The following ARL15 variants were observed in gnomAD, a reference collection of about 807,000 sequenced individuals.
ARL15 encodes ARF like GTPase 15, also known as ADP-ribosylation factor-like protein 15.
ARL15 carries 19 observed loss-of-function variants against 25.2 expected under a neutral mutation model. That is an observed-to-expected ratio of 0.75 (90% CI 0.53 to 1.10). The LOEUF (loss-of-function observed/expected upper bound fraction) is 1.10. Among genes scored for constraint, ARL15 ranks in the 50% least tolerant of loss-of-function variants. The pLI, the probability that ARL15 is intolerant of heterozygous loss-of-function variation, is 0.00. For missense variants in ARL15, 220 were observed against 246.0 expected, an observed-to-expected ratio of 0.89 and a Z score of 0.71; for synonymous variants, 94 against 86.8, an observed-to-expected ratio of 1.08 and a Z score of -0.46.
chr5:54,152,371 TC>T (rs1158203982), intron 3 of ARL15, among the ~76,000 whole-genome samples: 1 of 152,164 alleles, frequency 6.6e-6, no homozygotes, highest in Non-Finnish European at 1.5e-5. Context: ...TTTCATGTGT[TC>T]CTGGTTGAGA....
intron 4 of ARL15, among the ~76,000 whole-genome samples, chr5:54,108,595 T>A (rs1002972546): frequency 6.6e-6 from 1 of 152,078 alleles, no homozygotes; most frequent in Non-Finnish European, 1.5e-5. Flanking sequence ...AAAAGATTTG[T>A]CACATGAAGT....
intron 4 of ARL15, among the ~76,000 whole-genome samples, chr5:54,070,761 CATGAA>C (rs1053510772): frequency 2.6e-5 from 4 of 151,920 alleles, no homozygotes; most frequent in African/African-American, 9.7e-5. Flanking sequence ...ACGAGAATCA[CATGAA>C]CCCAGGAGGT....
At chr5:54,287,575 C>T (rs958544229) in intron 1 of ARL15, among the ~76,000 whole-genome samples, 1 of 151,822 alleles carries the variant, frequency 6.6e-6, no homozygotes, top group Non-Finnish European at 1.5e-5. Context: ...AGACACCTTC[C>T]TAGTCTTTGC....
intron 4 of ARL15, among the ~76,000 whole-genome samples, chr5:53,903,317 G>C (rs1745129174): frequency 6.6e-6 from 1 of 152,100 alleles, no homozygotes; most frequent in Non-Finnish European, 1.5e-5. Flanking sequence ...CTAAACCAGG[G>C]AAAGGAAAAG....
chr5:54,215,992 T>G (rs537739024), intron 1 of ARL15, among the ~76,000 whole-genome samples: 11 of 152,286 alleles, frequency 7.2e-5, no homozygotes, highest in African/African-American at 2.6e-4. Context: ...CCTTTAAATA[T>G]TACAAACATA....
chr5:54,097,532 G>A (rs536694834), intron 4 of ARL15, among the ~76,000 whole-genome samples: 1 of 152,264 alleles, frequency 6.6e-6, no homozygotes, highest in African/African-American at 2.4e-5. Context: ...TCAAATACAA[G>A]CATAATTGTG....
At position 54,037,012 on chromosome 5, in the gene ARL15, T is replaced by G. The variant is rs138614125; in HGVS notation, c.462+76190A>C. On this transcript the variant is annotated intron_variant, in intron 4 of 4. Transcript: ENST00000504924. The stretch of plus-strand genomic sequence containing the variant: ...GGTTTATATCTTTTATAATTAAAAC[T>G]GAGAAATAAAACTGTGGGGAATATA... 5.6e-3 allele frequency among the ~76,000 whole-genome samples: 855 copies of G among 152,192 alleles called. 2 individuals are homozygous for G. The highest frequency in any genetic ancestry group is 9.5e-3 in the Non-Finnish European group (645 of 67,954).
intron 1 of ARL15, among the ~76,000 whole-genome samples, chr5:54,275,231 G>A (rs1038088683): frequency 2.6e-5 from 4 of 152,166 alleles, no homozygotes; most frequent in South Asian, 2.1e-4. Context: ...ACACTGCACC[G>A]TCTGTTGGCT....
intron 4 of ARL15, among the ~76,000 whole-genome samples, chr5:53,983,104 C>G (rs932062646): frequency 1.3e-5 from 2 of 151,616 alleles, no homozygotes; most frequent in African/African-American, 4.8e-5. Flanking sequence ...TCAGTTGATT[C>G]CTAGTCTTTT....
intron 3 of ARL15, among the ~76,000 whole-genome samples, chr5:54,150,114 T>C (rs1349570359): frequency 6.6e-6 from 1 of 152,230 alleles, no homozygotes; most frequent in Non-Finnish European, 1.5e-5. Flanking sequence ...TTACTTGGTT[T>C]ATGCAGGAAC....
At chr5:53,972,625 AT>A (rs1747789579) in intron 4 of ARL15, among the ~76,000 whole-genome samples, 1 of 152,176 alleles carries the variant, frequency 6.6e-6, no homozygotes, top group Admixed American at 6.5e-5. Flanking sequence ...CCAAACTAAT[AT>A]AAAACATTAT....
At chr5:54,220,413 G>T (rs905665689) in intron 1 of ARL15, among the ~76,000 whole-genome samples, 1 of 151,936 alleles carries the variant, frequency 6.6e-6, no homozygotes, top group Non-Finnish European at 1.5e-5. Flanking sequence ...TTTAATCTAA[G>T]TGGAGTCAGC....
At chr5:54,233,651 C>T (rs182963612) in intron 1 of ARL15, among the ~76,000 whole-genome samples, 1 of 152,356 alleles carries the variant, frequency 6.6e-6, no homozygotes, top group East Asian at 1.9e-4. Context: ...AGAATAAGTT[C>T]ACTGATATGG....
intron 3 of ARL15, among the ~76,000 whole-genome samples, chr5:54,123,398 C>A (rs1462500768): frequency 2.0e-5 from 3 of 152,290 alleles, no homozygotes; most frequent in South Asian, 2.1e-4. Flanking sequence ...CGTGAGCCAA[C>A]GCACCCGGCT....
intron 4 of ARL15, among the ~76,000 whole-genome samples, chr5:53,898,220 A>G (rs1330814361): frequency 2.0e-5 from 3 of 152,182 alleles, no homozygotes; most frequent in African/African-American, 7.2e-5. Context: ...TTCAAGAGTC[A>G]AATATATTGG....
intron 1 of ARL15, among the ~76,000 whole-genome samples, chr5:54,297,522 T>G (rs1758497638): frequency 6.6e-6 from 1 of 152,234 alleles, no homozygotes. Flanking sequence ...TGTATAGTAA[T>G]CTGGATGCAT....
intron 2 of ARL15, among the ~76,000 whole-genome samples, chr5:54,157,755 A>T (rs1754284468): frequency 6.6e-6 from 1 of 152,180 alleles, no homozygotes; most frequent in Non-Finnish European, 1.5e-5. Context: ...CCGACAAAAT[A>T]GTCGTAAATG....
At chr5:54,179,319 G>T (rs1311620677) in intron 1 of ARL15, among the ~76,000 whole-genome samples, 1 of 152,160 alleles carries the variant, frequency 6.6e-6, no homozygotes, top group Non-Finnish European at 1.5e-5. Context: ...TCAAGTCAGG[G>T]ATCAGAGCAT....
chr5:54,208,345 T>C lies in ARL15; in HGVS notation c.49-36417A>G, dbSNP rs75025307. On this transcript the variant is annotated intron_variant, in intron 1 of 4. Coordinates refer to ENST00000504924, the MANE Select transcript of ARL15 (RefSeq NM_019087.3). Reference sequence around the variant, plus strand: ...AACACAGGAAAAAATTTTTTAAACTTGGGGTATGCAGAACTATACAATGAG... The same window carrying C: ...AACACAGGAAAAAATTTTTTAAACTCGGGGTATGCAGAACTATACAATGAG... 2.8e-3 allele frequency among the ~76,000 whole-genome samples: 428 copies of C among 152,156 alleles called. 3 individuals are homozygous for C. The highest frequency in any genetic ancestry group is 9.6e-3 in the African/African-American group (398 of 41,518).
Sources: allele counts gnomAD v4.1 joint callset (sites outside exome capture counted in the v4.1 genomes callset), GRCh38; gene constraint gnomAD v4.1.1; transcripts MANE v1.5; gene names NCBI Gene and HGNC (gene_info 2026-07-23, HGNC 2026-07-21).